FAF1: variants seen among roughly 807,000 people sequenced by gnomAD.
FAF1 encodes FAS-associated factor 1.
A neutral mutation model predicts 92.5 loss-of-function variants in FAF1; 25 were observed. The ratio of observed to expected loss-of-function variants is 0.27; its 90% CI spans 0.20 to 0.38. The LOEUF is 0.38. Among genes scored for constraint, FAF1 ranks in the 10% least tolerant of loss-of-function variants. FAF1 has a pLI of 1.00. For synonymous variants in FAF1, 234 were observed against 273.2 expected (o/e 0.86, Z 1.42); for missense variants, 636 against 793.3 (o/e 0.80, Z 2.38).
At chr1:50,633,544 C>T (rs555942592) in intron 8 of FAF1, among the ~76,000 whole-genome samples, 1 of 152,230 alleles carries the variant, frequency 6.6e-6, no homozygotes, top group South Asian at 2.1e-4. Context: ...CTCAAGCTGC[C>T]GCTGAATGTC....
chr1:50,763,262 A>T (rs1001671063), intron 4 of FAF1, among the ~76,000 whole-genome samples: 6 of 152,186 alleles, frequency 3.9e-5, no homozygotes, highest in Admixed American at 1.3e-4. Flanking sequence ...CATCTCAAAA[A>T]ATAAATACAT....
chr1:50,599,879 A>G (rs1379368383), intron 8 of FAF1, among the ~76,000 whole-genome samples: 1 of 152,170 alleles, frequency 6.6e-6, no homozygotes, highest in Non-Finnish European at 1.5e-5. Flanking sequence ...TCAGACTTAG[A>G]ACTGTTTTGG....
At chr1:50,845,344 C>T (rs146370279) in intron 2 of FAF1, among the ~76,000 whole-genome samples, 134 of 152,264 alleles carry the variant, frequency 8.8e-4, no homozygotes, top group South Asian at 2.3e-3. Context: ...TCTTAGCCTA[C>T]CAATAACCTT....
chr1:50,501,141 A>G (rs940025802), intron 15 of FAF1, among the ~76,000 whole-genome samples: 2 of 152,236 alleles, frequency 1.3e-5, no homozygotes, highest in African/African-American at 4.8e-5. Context: ...TGCAAATCAC[A>G]TTTCAAGTAA....
At chr1:50,708,132 G>C (rs1260080770) in intron 6 of FAF1, among the ~76,000 whole-genome samples, 1 of 152,142 alleles carries the variant, frequency 6.6e-6, no homozygotes, top group Non-Finnish European at 1.5e-5. Context: ...TTTATAAAGA[G>C]AACTAGTAAG....
At chr1:50,829,772 C>T (rs999313532) in intron 2 of FAF1, among the ~76,000 whole-genome samples, 1 of 152,144 alleles carries the variant, frequency 6.6e-6, no homozygotes, top group African/African-American at 2.4e-5. Context: ...AACTGAGTTG[C>T]CAATTATTGA....
At chr1:50,578,608 C>T (rs867013958) in intron 12 of FAF1, among the ~76,000 whole-genome samples, 1 of 152,108 alleles carries the variant, frequency 6.6e-6, no homozygotes, top group South Asian at 2.1e-4. Flanking sequence ...GTGTTGTAGG[C>T]AAGTCATGTA....
intron 7 of FAF1, among the ~76,000 whole-genome samples, chr1:50,659,619 A>T (rs1655283724): frequency 6.6e-6 from 1 of 152,126 alleles, no homozygotes; most frequent in East Asian, 1.9e-4. Flanking sequence ...TTGGCTCAAG[A>T]TCATGCTGAA....
At chr1:50,691,177 A>G (rs1181205074) in intron 7 of FAF1, among the ~76,000 whole-genome samples, 1 of 152,230 alleles carries the variant, frequency 6.6e-6, no homozygotes. Context: ...ACATTATGTC[A>G]TAATTCCACC....
intron 7 of FAF1, among the ~76,000 whole-genome samples, chr1:50,664,217 C>T (rs1655519451): frequency 6.6e-6 from 1 of 150,636 alleles, no homozygotes; most frequent in East Asian, 2.0e-4. Flanking sequence ...AGGATGGTCT[C>T]GATCTCTTGA....
intron 2 of FAF1, among the ~76,000 whole-genome samples, chr1:50,836,171 T>TTTTTTTGTTTG (rs1553144973): frequency 2.6e-5 from 2 of 75,856 alleles, no homozygotes; most frequent in East Asian, 3.1e-4. Context: ...TTTGTTTCTG[T>TTTTTTTGTTTG]TTTTTTTTTT....
chr1:50,456,149 C>A (rs1030633867), intron 18 of FAF1, among the ~76,000 whole-genome samples: 37 of 151,842 alleles, frequency 2.4e-4, no homozygotes, highest in Admixed American at 6.6e-5. Flanking sequence ...GTGGCCTATT[C>A]AGGCTCAATT....
At chr1:50,650,561 A>G (rs184568608) in intron 8 of FAF1, among the ~76,000 whole-genome samples, 20 of 152,274 alleles carry the variant, frequency 1.3e-4, no homozygotes, top group African/African-American at 4.6e-4. Flanking sequence ...CAGAGGTTGC[A>G]GTCAGCTGAG....
At chr1:50,851,497 A>T (rs1332329510) in intron 2 of FAF1, among the ~76,000 whole-genome samples, 1 of 152,130 alleles carries the variant, frequency 6.6e-6, no homozygotes, top group African/African-American at 2.4e-5. Context: ...CATTTAGTTT[A>T]TTTTCTAAAA....
At chr1:50,693,494 A>G (rs1477968628) in intron 7 of FAF1, among the ~76,000 whole-genome samples, 10 of 152,134 alleles carry the variant, frequency 6.6e-5, no homozygotes, top group Admixed American at 6.5e-4. Context: ...AGTACCATTT[A>G]CATTTATTAT....
At chr1:50,787,605 T>C (rs916117190) in intron 4 of FAF1, among the ~76,000 whole-genome samples, 12 of 152,204 alleles carry the variant, frequency 7.9e-5, no homozygotes, top group African/African-American at 2.7e-4. Flanking sequence ...CTGTTCCTTA[T>C]AAATTACCCA....
At chr1:50,944,357 C>T (rs112164717) in intron 1 of FAF1, among the ~76,000 whole-genome samples, 35 of 152,156 alleles carry the variant, frequency 2.3e-4, no homozygotes, top group East Asian at 3.9e-4. Context: ...GCTTCAAGGG[C>T]GATTCTGAAA....
At chr1:50,749,902 C>A (rs1203685260) in intron 4 of FAF1, among the ~76,000 whole-genome samples, 3 of 151,822 alleles carry the variant, frequency 2.0e-5, no homozygotes, top group African/African-American at 7.3e-5. Flanking sequence ...ACATAATTCA[C>A]GAAAAATGTT....
intron 4 of FAF1, among the ~76,000 whole-genome samples, chr1:50,758,077 C>G (rs966758365): frequency 1.3e-5 from 2 of 152,248 alleles, no homozygotes. Flanking sequence ...GCTACCATGT[C>G]CAGCTAATTT....
Sources: allele counts gnomAD v4.1 joint callset (sites outside exome capture counted in the v4.1 genomes callset), GRCh38; gene constraint gnomAD v4.1.1; transcripts MANE v1.5; gene names NCBI Gene and HGNC (gene_info 2026-07-23, HGNC 2026-07-21).